Variants in MMP8 observed in about 807,000 individuals in gnomAD.
The protein encoded by MMP8 is matrix metallopeptidase 8, also known as neutrophil collagenase.
A neutral mutation model predicts 51.2 loss-of-function variants in MMP8; 67 were observed. The ratio of observed to expected loss-of-function variants is 1.31; its 90% CI spans 1.08 to 1.60. The LOEUF is 1.60. MMP8 is among the 40% of genes most tolerant of loss of function. The probability of loss-of-function intolerance (pLI) is 0.00; values close to 1 mark genes in which losing one functional copy is unlikely to be tolerated. For missense variants in MMP8, 654 were observed against 558.1 expected (o/e 1.17, Z -1.73); for synonymous variants, 225 against 191.0 (o/e 1.18, Z -1.47).
rs1215016736 is a variant in MMP8, at chr11:102,721,475, G to A, written c.548C>T (p.Ala183Val). The A allele has an allele frequency of 1.9e-6, 3 of 1,613,864 alleles. No homozygotes were observed. The highest frequency in any genetic ancestry group is 3.3e-5 in the Admixed American group (2 of 59,952). ...TCCAATACCTTGGCCTGGCTGAAAG[G>A]CATGAGCAAGGATTCCATTGGGTCC... is the stretch of plus-strand genomic sequence containing the variant. ...FDGPNGILAHAFQPGQGIGGD... is the reference protein window; with the variant it reads ...FDGPNGILAHVFQPGQGIGGD... The change falls in exon 4 of 10, where the codon GCC becomes GTC. Residue 183 changes from alanine to valine, a missense_variant. Transcript: ENST00000236826.
At chr11:102,714,751 T>A in intron 7 of MMP8, 42 bp from the exon 8 acceptor site, 1 of 966,592 alleles carries the variant, frequency 1.0e-6, no homozygotes. Flanking sequence ...GACTTTTCCA[T>A]TTTTACAAAA....
At chr11:102,716,674 A>G (rs1342375893) in intron 5 of MMP8, among the ~76,000 whole-genome samples, 1 of 152,092 alleles carries the variant, frequency 6.6e-6, no homozygotes, top group Non-Finnish European at 1.5e-5. Context: ...TTTGAATTCT[A>G]TGCTCCTTCC....
chr11:102,715,049 A>G (rs1371513324), intron 7 of MMP8, among the ~76,000 whole-genome samples: 1 of 152,026 alleles, frequency 6.6e-6, no homozygotes, highest in East Asian at 1.9e-4. Flanking sequence ...TGGGATGAGG[A>G]TGAAAGAATG....
At chr11:102,716,593 T>C (rs1861307059) in intron 5 of MMP8, among the ~76,000 whole-genome samples, 174 bp from the exon 6 acceptor site, 1 of 152,062 alleles carries the variant, frequency 6.6e-6, no homozygotes, top group East Asian at 1.9e-4. Context: ...CCTTTTAAAG[T>C]TTTTGTTTCT....
chr11:102,723,497 A>G (rs1418555277), intron 1 of MMP8: 5 of 455,900 alleles, frequency 1.1e-5, no homozygotes, highest in Non-Finnish European at 2.2e-5. Context: ...GAGGCTGGGA[A>G]GTCCAAGATC....
Position 102,714,667 on chromosome 11 carries a change from C to A in MMP8, c.1079G>T (p.Gly360Val). The A allele has an allele frequency of 6.5e-7, 1 of 1,546,050 alleles. No individual in the cohort carries two copies. The highest frequency in any genetic ancestry group is 8.7e-7 in the Non-Finnish European group (1 of 1,149,678). The change falls in exon 8 of 10, where the codon GGT becomes GTT. Residue 360 changes from glycine to valine, a missense_variant. Physicochemically the swap from Gly to Val is moderately radical, Grantham distance 109 (BLOSUM62 -3). Transcript: ENST00000236826. ...WALSGYDILQ[G>V]YPKDISNYGF... ...ATAGTTTGATATATCCTTGGGATAA[C>A]CTTGCAGAATATCATAGCCACTCAG...
Position 102,715,304 on chromosome 11 carries a change from C to T in MMP8, c.1036G>A (p.Gly346Ser), listed in dbSNP as rs1333055958. Reference sequence around the variant, plus strand: ...TAAGATGAAAACTTTAGGAAGTTACCTTTAAATAGGAAAATGAGGTCTCTG... The same window carrying T: ...TAAGATGAAAACTTTAGGAAGTTACTTTTAAATAGGAAAATGAGGTCTCTG... ...FDRDLIFLFKGNQYWALSGYD... is the reference protein window; with the variant it reads ...FDRDLIFLFKSNQYWALSGYD... Residue 346 changes from glycine to serine, a missense_variant and splice_region_variant, in exon 7 of 10, where the codon GGC becomes AGC. Coordinates refer to ENST00000236826, the MANE Select transcript of MMP8 (RefSeq NM_002424.3). The T allele has an allele frequency of 6.2e-7, 1 of 1,608,654 alleles. No individual in the cohort carries two copies. Among genetic ancestry groups the T allele is most frequent in the Admixed American group, 1.7e-5 (1 of 58,704 alleles).
chr11:102,721,861 G>A, intron 2 of MMP8, 99 bp from the exon 3 acceptor site: 2 of 1,344,668 alleles, frequency 1.5e-6, no homozygotes, highest in African/African-American at 1.4e-5. Flanking sequence ...GCATCATGGT[G>A]TGCTACCACT....
intron 4 of MMP8, among the ~76,000 whole-genome samples, chr11:102,721,169 C>T (rs1861457209): frequency 6.6e-6 from 1 of 152,176 alleles, no homozygotes; most frequent in Non-Finnish European, 1.5e-5. Context: ...ATTTTCTGAT[C>T]TCTGACCTAA....
In MMP8 at chr11:102,724,838, C is replaced by A. The variant is rs373918794; in HGVS notation, c.18G>T (p.Thr6=). The A allele has an allele frequency of 1.9e-6, 3 of 1,609,994 alleles. No individual in the cohort carries two copies. The highest frequency in any genetic ancestry group is 2.5e-6 in the Non-Finnish European group (3 of 1,177,552). Residue 6 remains threonine (T), a synonymous_variant, in exon 1 of 10, where the codon ACG becomes ACT. Coordinates refer to ENST00000236826, the MANE Select transcript of MMP8 (RefSeq NM_002424.3). The stretch of plus-strand genomic sequence containing the variant: ...CATGGAGTAAGAGCAGAAATGGAAG[C>A]GTCTTCAGGGAGAACATGATCTTCT... MFSLK[T]LPFLLLLHVQ...
In MMP8 at chr11:102,722,410, G is replaced by C. The variant is rs766230209; in HGVS notation, c.347+19C>G. On this transcript the variant is annotated intron_variant, in intron 2 of 9. Coordinates refer to ENST00000236826, the MANE Select transcript of MMP8 (RefSeq NM_002424.3). ...CATACTGGATAAATGAGTGTATCCT[G>C]AAACCCTAGAGATATCACCTGTAGG... is the stretch of plus-strand genomic sequence containing the variant. 1.1e-5 allele frequency: 18 copies of C among 1,612,134 alleles called. No individual in the cohort carries two copies. The highest frequency in any genetic ancestry group is 1.4e-5 in the Non-Finnish European group (16 of 1,179,174).
At chr11:102,716,219 G>T in intron 6 of MMP8, 83 bp downstream of exon 6, 4 of 980,206 alleles carry the variant, frequency 4.1e-6, no homozygotes, top group South Asian at 1.6e-5. Flanking sequence ...AGGAAAAGGT[G>T]ACTAACGTGT....
chr11:102,723,030 A>C, intron 1 of MMP8: 1 of 1,294,848 alleles, frequency 7.7e-7, no homozygotes, highest in Non-Finnish European at 1.0e-6. Context: ...GCATCAGTGC[A>C]GTTCCTCTTT....
chr11:102,717,344 G>A (rs1050972787), intron 5 of MMP8, among the ~76,000 whole-genome samples: 1 of 152,124 alleles, frequency 6.6e-6, no homozygotes, highest in Non-Finnish European at 1.5e-5. Flanking sequence ...AAATGTATCA[G>A]TGATGCCTTA....
chr11:102,716,958 G>A (rs1330412193), intron 5 of MMP8, among the ~76,000 whole-genome samples: 2 of 152,294 alleles, frequency 1.3e-5, no homozygotes, highest in Admixed American at 6.5e-5. Flanking sequence ...AAGGGGTGTT[G>A]TTGGGGTGGG....
At chr11:102,714,399 A>G (rs753055652) in intron 8 of MMP8, among the ~76,000 whole-genome samples, 157 bp downstream of exon 8, 23 of 152,210 alleles carry the variant, frequency 1.5e-4, no homozygotes, top group Non-Finnish European at 3.1e-4. Context: ...TTCAAAAGCC[A>G]TGGTAACATC....
intron 5 of MMP8, among the ~76,000 whole-genome samples, chr11:102,718,062 G>A (rs553014115): frequency 2.6e-4 from 39 of 151,890 alleles, no homozygotes; most frequent in African/African-American, 7.0e-4. Flanking sequence ...AGCCAAGATC[G>A]CGTCACTGCA....
rs756531800 is a variant in MMP8, at chr11:102,714,558, C to G, written c.1188G>C (p.Trp396Cys). Residue 396 changes from tryptophan (W) to cysteine (C), a missense_variant and splice_region_variant, in exon 8 of 10, where the codon TGG (tryptophan) becomes TGC (cysteine). Coordinates refer to ENST00000236826, the MANE Select transcript of MMP8 (RefSeq NM_002424.3). ...KTYFFVNDQF[W>C]RYDNQRQFME... The stretch of plus-strand genomic sequence containing the variant: ...ATTGAAAAAATAGTTTACGTTACCT[C>G]CAGAATTGGTCATTTACAAAGAAGT... 1 of 1,461,468 alleles carries G rather than the reference C, an allele frequency of 6.8e-7. No homozygotes were observed. Among genetic ancestry groups the G allele is most frequent in the Non-Finnish European group, 9.1e-7 (1 of 1,102,124 alleles). The allele number at this position is 1,461,468 out of a possible 1,614,324, so 90.5% of individuals were successfully genotyped here.
intron 7 of MMP8, 56 bp from the exon 8 acceptor site, chr11:102,714,765 TATATATATATA>T (rs1861234632): frequency 7.8e-4 from 7 of 9,012 alleles, no homozygotes; most frequent in East Asian, 5.7e-3. Context: ...TACAAAATTA[TATATATATATA>T]TATATATATA....
Sources: gnomAD v4.1 joint callset for allele counts (sites outside exome capture counted in the v4.1 genomes callset) on GRCh38, gnomAD v4.1.1 for gene constraint, MANE v1.5 for transcripts, NCBI Gene and HGNC (gene_info 2026-07-23, HGNC 2026-07-21) for gene names.